Variants in SLFN14 observed in about 807,000 individuals in gnomAD.
SLFN14 encodes protein SLFN14.
A neutral mutation model predicts 58.6 loss-of-function variants in SLFN14; 47 were observed. The observed-to-expected ratio is 0.80, with a 90% CI of 0.64 to 1.02. SLFN14 has a LOEUF of 1.02. Ranked by LOEUF, SLFN14 falls within the 50% of genes least tolerant of loss-of-function variation. The pLI, the probability that SLFN14 is intolerant of heterozygous loss-of-function variation, is 0.00. For missense variants in SLFN14, 967 were observed against 1,078.4 expected (o/e 0.90, Z 1.45); for synonymous variants, 390 against 387.3 (o/e 1.01, Z -0.08).
In SLFN14 at chr17:35,549,029, T is replaced by C; in HGVS notation, c.1949A>G (p.Gln650Arg). 6.4e-7 allele frequency: 1 copy of C among 1,551,666 alleles called. No homozygotes were observed. ...GTGTTTAATCTTTAGAAACTCCCCT[T>C]GCATGAAAGTTTTCCTGGTCACAGC... ...CQAVTRKTFM[Q>R]GEFLKIKHIV... The change falls in exon 6 of 6, where the codon CAA (glutamine) becomes CGA (arginine). Residue 650 changes from glutamine (Q) to arginine (R), a missense_variant. By Grantham distance (43) the Gln-to-Arg change is conservative (BLOSUM62 1). Transcript: ENST00000674182.
intron 3 of SLFN14, among the ~76,000 whole-genome samples, chr17:35,555,186 C>T (rs1012046175): frequency 7.2e-5 from 11 of 151,952 alleles, no homozygotes; most frequent in African/African-American, 2.7e-4. Flanking sequence ...TCCTGGCTAA[C>T]ACGGTGAAAC....
Position 35,544,877 on chromosome 17 carries a change from G to C in SLFN14, c.*3362C>G, listed in dbSNP as rs553474457. Among the ~76,000 whole-genome samples, 39 of 152,186 alleles carry C rather than the reference G, an allele frequency of 2.6e-4. 1 individual carries two copies. The highest frequency in any genetic ancestry group is 9.4e-4 in the African/African-American group (39 of 41,526). ...CTTTCTCCATTTCCGAAGCTTCCAT[G>C]ATAATATTATATTACCCTTCTTTTT... On this transcript the variant is annotated 3_prime_UTR_variant, in exon 6 of 6. Coordinates refer to ENST00000674182, the MANE Select transcript of SLFN14 (RefSeq NM_001129820.2).
intron 5 of SLFN14, among the ~76,000 whole-genome samples, chr17:35,549,971 C>T (rs114401550): frequency 2.2e-3 from 340 of 152,284 alleles, no homozygotes; most frequent in African/African-American, 7.7e-3. Flanking sequence ...AGCTATGAAA[C>T]TTAATAAAGA....
Position 35,548,177 on chromosome 17 carries a change from G to T in SLFN14, c.*62C>A. On this transcript the variant is annotated 3_prime_UTR_variant, in exon 6 of 6. Coordinates refer to ENST00000674182, the MANE Select transcript of SLFN14 (RefSeq NM_001129820.2). ...CTTGTAATATTAAAATGGAGTCACT[G>T]CTACCTGTCTAGGAGAAAGGACTCT... 2 of 1,447,168 alleles carry T rather than the reference G, an allele frequency of 1.4e-6. No individual in the cohort carries two copies. The highest frequency in any genetic ancestry group is 1.9e-6 in the Non-Finnish European group (2 of 1,076,130). 89.6% of individuals were successfully genotyped at this position (1,447,168 alleles called of 1,614,324 possible). A position where few individuals can be genotyped will look rare whatever the true frequency, so the allele number is the denominator to read the frequency against.
At position 35,548,050 on chromosome 17, in the gene SLFN14, G is replaced by A; in HGVS notation, c.*189C>T. ...GTAATTGTATAGGTAGGAGGTGAAGGAAATTGTGAAAAGGCCAGTGGCATT... is the reference window on the plus strand; with the variant it reads ...GTAATTGTATAGGTAGGAGGTGAAGAAAATTGTGAAAAGGCCAGTGGCATT... On this transcript the variant is annotated 3_prime_UTR_variant, in exon 6 of 6. Coordinates refer to ENST00000674182, the MANE Select transcript of SLFN14 (RefSeq NM_001129820.2). The A allele has an allele frequency of 6.5e-6, 4 of 614,406 alleles. No homozygotes were observed. The highest frequency in any genetic ancestry group is 1.1e-5 in the Non-Finnish European group (4 of 353,096). 38.1% of individuals were successfully genotyped at this position (614,406 alleles called of 1,614,324 possible). A position where few individuals can be genotyped will look rare whatever the true frequency, so the allele number is the denominator to read the frequency against.
At chr17:35,553,883 A>G (rs1459404944) in intron 4 of SLFN14, among the ~76,000 whole-genome samples, 1 of 151,988 alleles carries the variant, frequency 6.6e-6, no homozygotes, top group Non-Finnish European at 1.5e-5. Flanking sequence ...AGTTGAGGTC[A>G]CCCGCCTTGG....
At position 35,548,633 on chromosome 17, in the gene SLFN14, A is replaced by T; in HGVS notation, c.2345T>A (p.Val782Glu). 1 of 1,551,714 alleles carries T rather than the reference A, an allele frequency of 6.4e-7. No homozygotes were observed. Among genetic ancestry groups the T allele is most frequent in the Non-Finnish European group, 8.7e-7 (1 of 1,146,990 alleles). ...TGTCAGATTAGTCTTTGTCTCACAC[A>T]CCCCAGGCAGAGCCTGGGCACACGT... ...EATCAQALPGVCETKTNLTTE... is the reference protein window; with the variant it reads ...EATCAQALPGECETKTNLTTE... Residue 782 changes from valine to glutamate, a missense_variant, in exon 6 of 6, where the codon GTG becomes GAG. Coordinates refer to ENST00000674182, the MANE Select transcript of SLFN14 (RefSeq NM_001129820.2).
chr17:35,548,322 A>G lies in SLFN14; in HGVS notation c.2656T>C (p.Ser886Pro), dbSNP rs770525213. Residue 886 changes from serine to proline, a missense_variant, in exon 6 of 6, where the codon TCA becomes CCA. By Grantham distance (74) the Ser-to-Pro change is moderately conservative (BLOSUM62 -1). Coordinates refer to ENST00000674182, the MANE Select transcript of SLFN14 (RefSeq NM_001129820.2). ...VFGLSPECDQ[S>P]EEFHKLCFAS... ...AAGCAGAGCTTATGAAATTCCTCTG[A>G]CTGGTCACATTCTGGACTAAGCCCA... The G allele has an allele frequency of 1.3e-6, 2 of 1,551,704 alleles. No individual in the cohort carries two copies. Among genetic ancestry groups the G allele is most frequent in the South Asian group, 2.4e-5 (2 of 84,066 alleles).
chr17:35,552,610 A>ATG (rs2072602044), intron 5 of SLFN14, 120 bp downstream of exon 5: 2 of 319,732 alleles, frequency 6.3e-6, no homozygotes, highest in East Asian at 8.4e-5. Context: ...ATATATATAT[A>ATG]TGTGTATATA....
chr17:35,552,381 CCAAT>C (rs1439024805), intron 5 of SLFN14, among the ~76,000 whole-genome samples: 15 of 152,036 alleles, frequency 9.9e-5, no homozygotes, highest in African/African-American at 3.6e-4. Flanking sequence ...TCACACCCGA[CCAAT>C]CAGATAAGAA....
chr17:35,554,413 TTATATATATAA>T (rs1490373025), intron 4 of SLFN14, among the ~76,000 whole-genome samples, 152 bp downstream of exon 4: 4 of 147,006 alleles, frequency 2.7e-5, no homozygotes, highest in Non-Finnish European at 6.0e-5. Flanking sequence ...CATATATATA[TTATATATATAA>T]TATATATATT....
Position 35,549,049 on chromosome 17 carries a change from C to A in SLFN14, c.1929G>T (p.Val643=). The A allele has an allele frequency of 6.4e-7, 1 of 1,551,444 alleles. No individual in the cohort carries two copies. The highest frequency in any genetic ancestry group is 1.2e-5 in the South Asian group (1 of 84,042). The part of the protein sequence containing the change: ...FVTQQTTCQA[V]TRKTFMQGEF... The stretch of plus-strand genomic sequence containing the variant: ...CCCCTTGCATGAAAGTTTTCCTGGT[C>A]ACAGCTTGGCAGGTGGTTTGTTGGC... Residue 643 remains valine, a synonymous_variant, in exon 6 of 6, where the codon GTG becomes GTT. Transcript: ENST00000674182.
Position 35,548,839 on chromosome 17 carries a change from G to C in SLFN14, c.2139C>G (p.Val713=). ...GAGCAGATGGAGGGGGAAGGCCATT[G>C]ACATCTGCGTGATGGATTTGAAAAG... ...LDPFQIHHAD[V]NGLPPPSAQF... The change falls in exon 6 of 6, where the codon GTC becomes GTG. Residue 713 remains valine, a synonymous_variant. Transcript: ENST00000674182. 6.4e-7 allele frequency: 1 copy of C among 1,551,716 alleles called. No individual in the cohort carries two copies. Among genetic ancestry groups the C allele is most frequent in the East Asian group, 2.4e-5 (1 of 40,928 alleles).
At position 35,544,877 on chromosome 17, in the gene SLFN14, GATA is replaced by G. The variant is rs1322983794; in HGVS notation, c.*3359_*3361del. On this transcript the variant is annotated 3_prime_UTR_variant, in exon 6 of 6. Coordinates refer to ENST00000674182, the MANE Select transcript of SLFN14 (RefSeq NM_001129820.2). ...CTTTCTCCATTTCCGAAGCTTCCAT[GATA>G]ATATTATATTACCCTTCTTTTTAAA... Among the ~76,000 whole-genome samples, 3 of 152,068 alleles carry G rather than the reference GATA, an allele frequency of 2.0e-5. No individual in the cohort carries two copies. The highest frequency in any genetic ancestry group is 2.9e-5 in the Non-Finnish European group (2 of 68,000).
At position 35,549,022 on chromosome 17, in the gene SLFN14, C is replaced by T; in HGVS notation, c.1956G>A (p.Glu652=). ...AVTRKTFMQG[E]FLKIKHIVMD... ...TCACTATGTGTTTAATCTTTAGAAA[C>T]TCCCCTTGCATGAAAGTTTTCCTGG... The change falls in exon 6 of 6, where the codon GAG becomes GAA. Residue 652 remains glutamate, a synonymous_variant. Transcript: ENST00000674182. The T allele has an allele frequency of 6.4e-7, 1 of 1,551,682 alleles. No homozygotes were observed. The highest frequency in any genetic ancestry group is 1.2e-5 in the South Asian group (1 of 84,054).
At chr17:35,560,326 G>A (rs1216063959) in intron 1 of SLFN14, among the ~76,000 whole-genome samples, 1 of 152,022 alleles carries the variant, frequency 6.6e-6, no homozygotes, top group Admixed American at 6.6e-5. Flanking sequence ...CATTTCCCAG[G>A]ACTTTTTTTT....
At position 35,557,562 on chromosome 17, in the gene SLFN14, C is replaced by T. The variant is rs895849703; in HGVS notation, c.501G>A (p.Leu167=). ...AQRGRPRVKK[L]HPQQVLNRCI... Reference sequence around the variant, plus strand: ...ATCTATTGAGAACCTGCTGAGGATGCAACTTCTTCACCCTTGGTCTTCCTC... The same window carrying T: ...ATCTATTGAGAACCTGCTGAGGATGTAACTTCTTCACCCTTGGTCTTCCTC... Residue 167 remains leucine, a synonymous_variant, in exon 3 of 6, where the codon TTG becomes TTA. Transcript: ENST00000674182. 3.2e-6 allele frequency: 5 copies of T among 1,551,522 alleles called. No homozygotes were observed. The African/African-American group carries it at 6.8e-5, about 21-fold the overall frequency.
intron 1 of SLFN14, among the ~76,000 whole-genome samples, chr17:35,560,296 C>T (rs902072740): frequency 5.3e-5 from 8 of 152,158 alleles, no homozygotes; most frequent in African/African-American, 1.2e-4. Context: ...GATTCTAGCT[C>T]GAGATGAATA....
At chr17:35,552,618 A>ATC in intron 5 of SLFN14, 112 bp downstream of exon 5, 1 of 334,668 alleles carries the variant, frequency 3.0e-6, no homozygotes, top group East Asian at 7.2e-5. Context: ...ATATGTGTAT[A>ATC]TATATACACA....
Sources: gnomAD v4.1 joint callset for allele counts (sites outside exome capture counted in the v4.1 genomes callset) on GRCh38, gnomAD v4.1.1 for gene constraint, MANE v1.5 for transcripts, NCBI Gene and HGNC (gene_info 2026-07-23, HGNC 2026-07-21) for gene names.